The following FBRSL1 variants were observed in gnomAD, a reference collection of about 807,000 sequenced individuals.
FBRSL1 encodes the protein fibrosin-1-like protein.
A neutral mutation model predicts 89.6 loss-of-function variants in FBRSL1; 51 were observed. That is an observed-to-expected ratio of 0.57 (90% confidence interval 0.45 to 0.72). FBRSL1 has a LOEUF of 0.72. Among genes scored for constraint, FBRSL1 ranks in the 30% least tolerant of loss-of-function variants. FBRSL1 has a pLI of 0.00. For missense variants in FBRSL1, 1,618 were observed against 1,451.8 expected (o/e 1.11, Z -1.86); for synonymous variants, 779 against 681.1 (o/e 1.14, Z -2.24).
rs111855406 is a variant in FBRSL1 at position 132,563,524 on chromosome 12, T to C, written c.646-3957T>C. 2.9e-3 allele frequency among the ~76,000 whole-genome samples: 445 copies of C among 152,150 alleles called. 2 individuals are homozygous for C. The highest frequency in any genetic ancestry group is 4.4e-3 in the Non-Finnish European group (298 of 67,994). ...TCTGTGGGAACTCTGGGGCTTCTCA[T>C]TGCGCTCTTGGATCTCCTTCCGTCT... On this transcript the variant is annotated intron_variant, in intron 5 of 18. Coordinates refer to ENST00000680143, the MANE Select transcript of FBRSL1 (RefSeq NM_001367871.1).
At chr12:132,527,040 T>C (rs2035845707) in intron 3 of FBRSL1, among the ~76,000 whole-genome samples, 1 of 152,090 alleles carries the variant, frequency 6.6e-6, no homozygotes, top group African/African-American at 2.4e-5. Flanking sequence ...TAGCTGCCCC[T>C]GCAGACCAGA....
At chr12:132,508,456 C>G (rs1446574892) in intron 2 of FBRSL1, 106 bp downstream of exon 2, 2 of 1,235,086 alleles carry the variant, frequency 1.6e-6, no homozygotes, top group Non-Finnish European at 2.2e-6. Flanking sequence ...CCGGGCCTGC[C>G]TGGCAGCGCG....
chr12:132,495,468 G>A (rs1451978648), intron 1 of FBRSL1, among the ~76,000 whole-genome samples: 2 of 152,224 alleles, frequency 1.3e-5, no homozygotes, highest in Non-Finnish European at 2.9e-5. Context: ...GGTGGTGGGG[G>A]CTGAGACCGC....
chr12:132,581,095 G>C (rs187463456), intron 15 of FBRSL1: 2 of 985,346 alleles, frequency 2.0e-6, no homozygotes, highest in South Asian at 4.7e-5. Flanking sequence ...TGAGATAAAG[G>C]CTTCAGGAGT....
intron 5 of FBRSL1, among the ~76,000 whole-genome samples, chr12:132,556,293 C>T: frequency 6.6e-6 from 1 of 152,172 alleles, no homozygotes; most frequent in East Asian, 1.9e-4. Context: ...CAGCCTTGCT[C>T]AGAGAGTGCA....
intron 15 of FBRSL1, among the ~76,000 whole-genome samples, chr12:132,579,794 C>G (rs2040621703): frequency 6.6e-6 from 1 of 152,176 alleles, no homozygotes; most frequent in Admixed American, 6.5e-5. Context: ...TGGAAGAGCT[C>G]TTGTGAGGTC....
chr12:132,538,037 A>G (rs985444986), intron 4 of FBRSL1, among the ~76,000 whole-genome samples: 2 of 151,940 alleles, frequency 1.3e-5, no homozygotes, highest in Non-Finnish European at 2.9e-5. Context: ...CTCGAAGAAG[A>G]GCATTGGGGG....
chr12:132,498,462 G>A (rs1288779710), intron 1 of FBRSL1, among the ~76,000 whole-genome samples: 2 of 152,172 alleles, frequency 1.3e-5, no homozygotes, highest in Non-Finnish European at 2.9e-5. Context: ...GACCCCTCCC[G>A]GCCCCTAGCC....
chr12:132,497,335 C>T (rs747549513), intron 1 of FBRSL1, among the ~76,000 whole-genome samples: 30 of 152,046 alleles, frequency 2.0e-4, no homozygotes, highest in Admixed American at 1.6e-3. Flanking sequence ...GAGAGGAGCC[C>T]GGGGTGGCCT....
At chr12:132,495,777 C>T (rs7315900) in intron 1 of FBRSL1, among the ~76,000 whole-genome samples, 1 of 152,082 alleles carries the variant, frequency 6.6e-6, no homozygotes, top group Non-Finnish European at 1.5e-5. Flanking sequence ...GCTGGCCCCT[C>T]GGTCCACGTG....
chr12:132,495,795 G>A (rs1006382103), intron 1 of FBRSL1, among the ~76,000 whole-genome samples: 2 of 152,202 alleles, frequency 1.3e-5, no homozygotes, highest in African/African-American at 4.8e-5. Context: ...GTGGGTGCCC[G>A]CCACCTGTCC....
Position 132,581,494 on chromosome 12 carries a change from C to A in FBRSL1, c.1890C>A (p.Phe630Leu). Reference protein sequence around the residue: ...PFGPSAHPGSFLPTGPLTDPF... With the variant: ...PFGPSAHPGSLLPTGPLTDPF... ...GACCCTCAGCCCATCCTGGCAGCTT[C>A]CTGCCCACTGGCCCCCTGACAGGTG... The change falls in exon 16 of 19, where the codon TTC (phenylalanine) becomes TTA (leucine). Residue 630 changes from phenylalanine to leucine, a missense_variant. Coordinates refer to ENST00000680143, the MANE Select transcript of FBRSL1 (RefSeq NM_001367871.1). 6.4e-7 allele frequency: 1 copy of A among 1,551,126 alleles called. No individual in the cohort carries two copies. Among genetic ancestry groups the A allele is most frequent in the Non-Finnish European group, 8.7e-7 (1 of 1,146,940 alleles).
At chr12:132,578,633 G>A (rs929654228) in intron 15 of FBRSL1, among the ~76,000 whole-genome samples, 7 of 152,188 alleles carry the variant, frequency 4.6e-5, no homozygotes, top group African/African-American at 7.2e-5. Context: ...TGGGCACTGC[G>A]TTGCCCAGTT....
chr12:132,570,608 A>T (rs2039944462), intron 8 of FBRSL1, 68 bp downstream of exon 8: 1 of 1,312,792 alleles, frequency 7.6e-7, no homozygotes. Context: ...GCCACCGGGG[A>T]GGGGCGCACA....
At chr12:132,510,561 G>A (rs1336861150) in intron 2 of FBRSL1, 49 of 1,230,916 alleles carry the variant, frequency 4.0e-5, no homozygotes, top group Non-Finnish European at 4.8e-5. Flanking sequence ...ATGCTTTGCC[G>A]GACTAGCCTG....
chr12:132,532,708 G>A (rs1220672922), intron 4 of FBRSL1, among the ~76,000 whole-genome samples: 8 of 151,030 alleles, frequency 5.3e-5, no homozygotes, highest in Non-Finnish European at 1.2e-4. Flanking sequence ...GGGGTGTTAA[G>A]CGCAGTGCAG....
rs914384600 is a variant in FBRSL1 at position 132,513,665 on chromosome 12, C to G, written c.489+5315C>G. Among the ~76,000 whole-genome samples, 5 of 152,196 alleles carry G rather than the reference C, an allele frequency of 3.3e-5. No homozygotes were observed. The South Asian group carries it at 1.0e-3, about 32-fold the overall frequency. On this transcript the variant is annotated intron_variant, in intron 2 of 18. Transcript: ENST00000680143. ...GTGAGCCTTCTGGGAGAGGCCGAGG[C>G]GTGTTCCTGCAGAGCCCACGGCAGA...
At chr12:132,572,236 C>T (rs1005085170) in intron 9 of FBRSL1, 52 bp from the exon 10 acceptor site, 27 of 1,523,510 alleles carry the variant, frequency 1.8e-5, no homozygotes, top group African/African-American at 2.8e-5. Flanking sequence ...GCCCGGGGCC[C>T]AGCAACGGTG....
intron 4 of FBRSL1, among the ~76,000 whole-genome samples, chr12:132,531,473 C>T (rs144160208): frequency 1.1e-3 from 164 of 152,156 alleles, no homozygotes; most frequent in Middle Eastern, 0.01. Context: ...GTGGTACCCC[C>T]GTGTGGTGGG....
Sources: allele counts gnomAD v4.1 joint callset (sites outside exome capture counted in the v4.1 genomes callset), GRCh38; gene constraint gnomAD v4.1.1; transcripts MANE v1.5; gene names NCBI Gene and HGNC (gene_info 2026-07-23, HGNC 2026-07-21).